The following GABRR2 variants were observed in gnomAD, a reference collection of about 807,000 sequenced individuals.
GABRR2 encodes gamma-aminobutyric acid receptor subunit rho-2.
In GABRR2, 36 loss-of-function variants were observed where a neutral mutation model predicts 47.0. That is an observed-to-expected ratio of 0.77 (90% confidence interval 0.59 to 1.01). The LOEUF (loss-of-function observed/expected upper bound fraction) is 1.01. Ranked by LOEUF, GABRR2 falls within the 50% of genes least tolerant of loss-of-function variation. The pLI is 0.00. For missense variants in GABRR2, 587 were observed against 594.6 expected (o/e 0.99, Z 0.13); for synonymous variants, 204 against 227.5 (o/e 0.90, Z 0.93).
rs1273600322 is a variant in GABRR2 at position 89,256,600 on chromosome 6, C to T, written c.*1070G>A. Among the ~76,000 whole-genome samples the T allele has an allele frequency of 6.6e-6, 1 of 152,158 alleles. No homozygotes were observed. Among genetic ancestry groups the T allele is most frequent in the South Asian group, 2.1e-4 (1 of 4,828 alleles). The stretch of plus-strand genomic sequence containing the variant: ...TTGTCTACTGGGGCCTTGGGCCACA[C>T]CAGATAGTCTATGCCAACAATGTGA... On this transcript the variant is annotated 3_prime_UTR_variant, in exon 9 of 9. Transcript: ENST00000402938.
At chr6:89,280,840 G>C (rs1774246204) in intron 2 of GABRR2, among the ~76,000 whole-genome samples, 1 of 152,238 alleles carries the variant, frequency 6.6e-6, no homozygotes, top group Admixed American at 6.5e-5. Context: ...CAGTCAAGGA[G>C]AACTTGCCAC....
chr6:89,257,692 A>G lies in GABRR2; in HGVS notation c.1376T>C (p.Ile459Thr), dbSNP rs147041239. The change falls in exon 9 of 9, where the codon ATT becomes ACT. Residue 459 changes from isoleucine to threonine, a missense_variant. Physicochemically the swap from Ile to Thr is moderately conservative, Grantham distance 89. Transcript: ENST00000402938. ...FPASYIFFNLIYWSVFS is the reference protein window; with the variant it reads ...FPASYIFFNLTYWSVFS ...CCCCTAGGAAAACACTGACCAATAA[A>G]TTAAGTTGAAAAATATGTAGGAGGC... 3.0e-4 allele frequency: 488 copies of G among 1,613,070 alleles called. 1 individual carries two copies. Among genetic ancestry groups the G allele is most frequent in the Non-Finnish European group, 3.1e-4 (362 of 1,179,510 alleles).
At chr6:89,312,155 C>T (rs1333199932) in intron 1 of GABRR2, among the ~76,000 whole-genome samples, 2 of 152,136 alleles carry the variant, frequency 1.3e-5, no homozygotes, top group Admixed American at 6.5e-5. Context: ...GGGAGAAGTG[C>T]CTCCCTTGGC....
chr6:89,310,753 T>G (rs1582468489), intron 1 of GABRR2, among the ~76,000 whole-genome samples: 59 of 141,924 alleles, frequency 4.2e-4, no homozygotes, highest in South Asian at 9.2e-4. Flanking sequence ...GGGTGGGGGG[T>G]GTGGTGGGAA....
At chr6:89,293,620 T>G (rs1313429718) in intron 2 of GABRR2, among the ~76,000 whole-genome samples, 1 of 152,108 alleles carries the variant, frequency 6.6e-6, no homozygotes, top group African/African-American at 2.4e-5. Flanking sequence ...AACCTGTCTC[T>G]ACACAAAATA....
At chr6:89,292,804 C>A (rs1272555042) in intron 2 of GABRR2, among the ~76,000 whole-genome samples, 1 of 16,282 alleles carries the variant, frequency 6.1e-5, no homozygotes, top group Non-Finnish European at 9.6e-5. Context: ...TCGTATATAT[C>A]GTATATACGA....
chr6:89,312,722 G>A (rs752650302), intron 1 of GABRR2, among the ~76,000 whole-genome samples: 4 of 152,210 alleles, frequency 2.6e-5, no homozygotes, highest in African/African-American at 4.8e-5. Flanking sequence ...ACAAGGAGGC[G>A]TCACCCTGTT....
chr6:89,260,082 AT>A (rs1017713966), intron 8 of GABRR2, among the ~76,000 whole-genome samples: 8 of 150,982 alleles, frequency 5.3e-5, no homozygotes, highest in African/African-American at 1.7e-4. Flanking sequence ...TCATTTTTGT[AT>A]TTTTTGTAAG....
chr6:89,301,650 GAATA>G (rs1767442124), intron 1 of GABRR2: 1 of 461,056 alleles, frequency 2.2e-6, no homozygotes, highest in African/African-American at 2.0e-5. Context: ...AAATGCCTAG[GAATA>G]CAGCTAACCA....
intron 1 of GABRR2, among the ~76,000 whole-genome samples, chr6:89,304,737 A>C (rs1356526324): frequency 6.6e-6 from 1 of 152,240 alleles, no homozygotes; most frequent in Non-Finnish European, 1.5e-5. Flanking sequence ...AACCACAATG[A>C]GATACCGTCT....
intron 2 of GABRR2, among the ~76,000 whole-genome samples, chr6:89,282,634 T>A (rs1774269128): frequency 6.6e-6 from 1 of 152,220 alleles, no homozygotes; most frequent in South Asian, 2.1e-4. Context: ...TGGAAAAGTT[T>A]GTTGTTTGGG....
At chr6:89,292,106 T>A (rs114521393) in intron 2 of GABRR2, among the ~76,000 whole-genome samples, 33 of 152,022 alleles carry the variant, frequency 2.2e-4, no homozygotes, top group Non-Finnish European at 4.3e-4. Flanking sequence ...AAAATACATA[T>A]GTGTCTTATG....
At chr6:89,269,274 A>AGGCTGGGCGCGGTGGCTC in intron 3 of GABRR2, 40 bp from the exon 4 acceptor site, 1 of 1,509,258 alleles carries the variant, frequency 6.6e-7, no homozygotes, top group Non-Finnish European at 9.2e-7. Flanking sequence ...AATGGCTTAG[A>AGGCTGGGCGCGGTGGCTC]AGGTTTTCTT....
intron 1 of GABRR2, chr6:89,303,075 A>G: frequency 1.2e-6 from 1 of 820,488 alleles, no homozygotes. Flanking sequence ...AGATGTTCGC[A>G]GATGAGGAGG....
intron 2 of GABRR2, among the ~76,000 whole-genome samples, chr6:89,282,104 G>A (rs1405988011): frequency 1.3e-5 from 2 of 151,784 alleles, no homozygotes; most frequent in African/African-American, 2.4e-5. Flanking sequence ...GCTTGCATAC[G>A]TGCACACACA....
chr6:89,283,434 G>A (rs565369387), intron 2 of GABRR2, among the ~76,000 whole-genome samples: 92 of 152,060 alleles, frequency 6.1e-4, no homozygotes, highest in African/African-American at 2.2e-3. Flanking sequence ...TCCATACAGT[G>A]GAATAATAAA....
Position 89,254,637 on chromosome 6 carries a change from A to T in GABRR2, c.*3033T>A, listed in dbSNP as rs1302182945. Among the ~76,000 whole-genome samples the T allele has an allele frequency of 1.3e-5, 2 of 152,192 alleles. No individual in the cohort carries two copies. Among genetic ancestry groups the T allele is most frequent in the Non-Finnish European group, 1.5e-5 (1 of 68,036 alleles). ...TTACATTTCACCATGTCTTAGATTC[A>T]GTGAAGTAAAGTATCATTCATGCAT... On this transcript the variant is annotated 3_prime_UTR_variant, in exon 9 of 9. Transcript: ENST00000402938.
intron 4 of GABRR2, among the ~76,000 whole-genome samples, chr6:89,268,661 G>T (rs1162015828): frequency 6.6e-6 from 1 of 151,470 alleles, no homozygotes; most frequent in Non-Finnish European, 1.5e-5. Flanking sequence ...GGGGACGGGG[G>T]GGGGCTTTTT....
chr6:89,267,979 A>C, intron 5 of GABRR2, 35 bp downstream of exon 5: 2 of 1,597,906 alleles, frequency 1.3e-6, no homozygotes, highest in Non-Finnish European at 1.7e-6. Context: ...TCAGAGAGGA[A>C]AGAAAGTGAA....
Sources: allele counts gnomAD v4.1 joint callset (sites outside exome capture counted in the v4.1 genomes callset), GRCh38; gene constraint gnomAD v4.1.1; transcripts MANE v1.5; gene names NCBI Gene and HGNC (gene_info 2026-07-23, HGNC 2026-07-21).